Variants in SYT11 observed in about 807,000 individuals in gnomAD.
SYT11 encodes synaptotagmin 11, also known as synaptotagmin-11.
Under a neutral mutation model 30.4 loss-of-function variants are expected in SYT11, and 12 were observed. That is an observed-to-expected ratio of 0.39 (90% confidence interval 0.25 to 0.64). The LOEUF (loss-of-function observed/expected upper bound fraction) is 0.64, where lower values mean the gene tolerates loss of function less well. Ranked by LOEUF, SYT11 falls within the 30% of genes least tolerant of loss-of-function variation. The pLI, the probability that SYT11 is intolerant of heterozygous loss-of-function variation, is 0.45. For missense variants in SYT11, 412 were observed against 552.0 expected, an observed-to-expected ratio of 0.75 and a Z score of 2.54; for synonymous variants, 204 against 216.0, an observed-to-expected ratio of 0.94 and a Z score of 0.49.
At position 155,880,535 on chromosome 1, in the gene SYT11, G is replaced by A. The variant is rs1571981269; in HGVS notation, c.897G>A (p.Leu299=). 1 of 1,614,066 alleles carries A rather than the reference G, an allele frequency of 6.2e-7. No individual in the cohort carries two copies. The highest frequency in any genetic ancestry group is 8.5e-7 in the Non-Finnish European group (1 of 1,179,956). ...GCAGAGGGGAGCTCCAGGTGTCTCT[G>A]TCATATCAGCCTGTGGCACAGAGAA... ...CISRGELQVS[L]SYQPVAQRMT... is the part of the protein sequence containing the mutation. Residue 299 remains leucine, a synonymous_variant, in exon 3 of 4, where the codon CTG becomes CTA. Transcript: ENST00000368324.
chr1:155,869,465 A>G (rs954155478), intron 2 of SYT11, among the ~76,000 whole-genome samples: 1 of 151,454 alleles, frequency 6.6e-6, no homozygotes, highest in African/African-American at 2.4e-5. Context: ...AGAAACGGGG[A>G]TTCACCATGT....
At position 155,860,388 on chromosome 1, in the gene SYT11, C is replaced by T. The variant is rs1672539667; in HGVS notation, c.34+593C>T. On this transcript the variant is annotated intron_variant, in intron 1 of 3. Transcript: ENST00000368324. The surrounding 1 kb of genome is among the most constrained non-coding windows in gnomAD (Gnocchi z 4.1). ...TGCTGGGGCTAGGAGGAAACGTGAGCCCTGCAAGCTCCATTCCGCATCGTA... is the reference window on the plus strand; with the variant it reads ...TGCTGGGGCTAGGAGGAAACGTGAGTCCTGCAAGCTCCATTCCGCATCGTA... Among the ~76,000 whole-genome samples, 1 of 152,208 alleles carries T rather than the reference C, an allele frequency of 6.6e-6. No individual in the cohort carries two copies. Among genetic ancestry groups the T allele is most frequent in the African/African-American group, 2.4e-5 (1 of 41,448 alleles).
intron 2 of SYT11, among the ~76,000 whole-genome samples, chr1:155,877,036 C>T (rs889639477): frequency 2.0e-5 from 3 of 149,168 alleles, no homozygotes; most frequent in African/African-American, 5.0e-5. Context: ...ACTACAATCT[C>T]GGCTCACTGC....
At chr1:155,874,700 CTAA>C (rs1672833939) in intron 2 of SYT11, among the ~76,000 whole-genome samples, 1 of 149,514 alleles carries the variant, frequency 6.7e-6, no homozygotes, top group African/African-American at 2.4e-5. Context: ...ACCATCCTGG[CTAA>C]CACGGTGAAA....
intron 2 of SYT11, among the ~76,000 whole-genome samples, chr1:155,876,678 A>G (rs1467473117): frequency 6.6e-6 from 1 of 151,296 alleles, no homozygotes; most frequent in African/African-American, 2.4e-5. Context: ...AAGCCTAAAA[A>G]CCCCTGACAA....
chr1:155,868,723 C>T lies in SYT11; in HGVS notation c.793C>T (p.Leu265=), dbSNP rs763116426. The T allele has an allele frequency of 6.2e-7, 1 of 1,614,108 alleles. No homozygotes were observed. The highest frequency in any genetic ancestry group is 8.5e-7 in the Non-Finnish European group (1 of 1,180,052). The change falls in exon 2 of 4, where the codon CTG becomes TTG. Residue 265 remains leucine, a synonymous_variant. Transcript: ENST00000368324. This position sits in a 1 kb window ranked among gnomAD's most constrained non-coding sequence, Gnocchi z 4.7. ...DDVIGEVMVP[L]AGVDPSTGKV... is the part of the protein sequence containing the mutation. ...TGTCATTGGCGAGGTCATGGTGCCA[C>T]TGGCAGGGGTGGACCCCAGCACAGG...
At chr1:155,880,353 C>T (rs887638143) in intron 2 of SYT11, 147 bp from the exon 3 acceptor site, 4 of 826,336 alleles carry the variant, frequency 4.8e-6, no homozygotes, top group South Asian at 2.0e-5. Flanking sequence ...AAAATCATAA[C>T]ACCTTTCCAG....
chr1:155,866,116 C>CTTTTT (rs11419325), intron 1 of SYT11, among the ~76,000 whole-genome samples: 1 of 123,276 alleles, frequency 8.1e-6, no homozygotes, highest in African/African-American at 3.1e-5. Flanking sequence ...TTTTTTTTTT[C>CTTTTT]TTTTTTTTTT....
chr1:155,881,446 A>G lies in SYT11; in HGVS notation c.1234A>G (p.Arg412Gly). The G allele has an allele frequency of 1.9e-6, 3 of 1,613,732 alleles. No homozygotes were observed. ...SVTASGAEHW[R>G]EVCESPRKPV... ...CACAGCCAGTGGTGCTGAACACTGG[A>G]GAGAGGTCTGCGAGAGCCCCCGCAA... The change falls in exon 4 of 4, where the codon AGA becomes GGA. Residue 412 changes from arginine to glycine, a missense_variant. Coordinates refer to ENST00000368324, the MANE Select transcript of SYT11 (RefSeq NM_152280.5).
chr1:155,880,842 A>T (rs1672949546), intron 3 of SYT11, among the ~76,000 whole-genome samples: 1 of 152,178 alleles, frequency 6.6e-6, no homozygotes, highest in East Asian at 1.9e-4. Flanking sequence ...TACATTTGGC[A>T]AGGTATCCTA....
intron 3 of SYT11, 125 bp from the exon 4 acceptor site, chr1:155,881,073 A>C: frequency 9.8e-7 from 1 of 1,024,004 alleles, no homozygotes; most frequent in East Asian, 2.4e-5. Flanking sequence ...TAAAGAACAC[A>C]TGGGATGGCC....
At position 155,868,851 on chromosome 1, in the gene SYT11, G is replaced by A. The variant is rs1245097451; in HGVS notation, c.861+60G>A. On this transcript the variant is annotated intron_variant, in intron 2 of 3. Coordinates refer to ENST00000368324, the MANE Select transcript of SYT11 (RefSeq NM_152280.5). This position sits in a 1 kb window ranked among gnomAD's most constrained non-coding sequence, Gnocchi z 4.7. ...GGTTGGGGGAGAAAATATCTCAGGGGATAAATGGAAGTGGGAGGGGAGTGG... is the reference window on the plus strand; with the variant it reads ...GGTTGGGGGAGAAAATATCTCAGGGAATAAATGGAAGTGGGAGGGGAGTGG... 2.7e-6 allele frequency: 4 copies of A among 1,506,130 alleles called. No individual in the cohort carries two copies. In the African/African-American group the frequency reaches 5.5e-5, roughly 21 times the overall value. The allele number at this position is 1,506,130 out of a possible 1,614,324, so 93.3% of individuals were successfully genotyped here. A position where few individuals can be genotyped will look rare whatever the true frequency, so the allele number is the denominator to read the frequency against.
chr1:155,870,337 A>G (rs1365213521), intron 2 of SYT11, among the ~76,000 whole-genome samples: 1 of 152,212 alleles, frequency 6.6e-6, no homozygotes. Context: ...TTATATAGCT[A>G]CTAGGACACA....
At chr1:155,869,243 A>G (rs996361475) in intron 2 of SYT11, among the ~76,000 whole-genome samples, 1 of 151,294 alleles carries the variant, frequency 6.6e-6, no homozygotes, top group Non-Finnish European at 1.5e-5. Context: ...CTAGGGGTGT[A>G]AATGATACCA....
intron 2 of SYT11, among the ~76,000 whole-genome samples, chr1:155,878,423 T>C (rs149363909): frequency 3.2e-4 from 48 of 152,296 alleles, no homozygotes; most frequent in Non-Finnish European, 5.6e-4. Context: ...CTCTCAACCA[T>C]TCTCTGAACA....
chr1:155,861,028 G>A (rs1672576595), intron 1 of SYT11, among the ~76,000 whole-genome samples: 1 of 152,112 alleles, frequency 6.6e-6, no homozygotes, highest in Non-Finnish European at 1.5e-5. Context: ...TTTTAGGGTG[G>A]AGACACAATC....
At chr1:155,871,088 C>T (rs763675449) in intron 2 of SYT11, among the ~76,000 whole-genome samples, 12 of 152,146 alleles carry the variant, frequency 7.9e-5, no homozygotes, top group African/African-American at 2.2e-4. Context: ...ACTTGGTGAA[C>T]GTCAGAGCAT....
chr1:155,860,610 AG>A lies in SYT11; in HGVS notation c.34+820del, dbSNP rs1672549187. On this transcript the variant is annotated intron_variant, in intron 1 of 3. Transcript: ENST00000368324. This position sits in a 1 kb window ranked among gnomAD's most constrained non-coding sequence, Gnocchi z 4.1. The stretch of plus-strand genomic sequence containing the variant: ...CTGGCGGGGGCGCGATCCAGGCCGG[AG>A]GGGGAGGGGCGAAAGAGGCCCAGCC... 6.6e-6 allele frequency among the ~76,000 whole-genome samples: 1 copy of A among 151,390 alleles called. No homozygotes were observed. The highest frequency in any genetic ancestry group is 2.1e-4 in the South Asian group (1 of 4,786).
intron 1 of SYT11, among the ~76,000 whole-genome samples, chr1:155,865,854 T>C (rs192947476): frequency 6.6e-6 from 1 of 151,954 alleles, no homozygotes; most frequent in African/African-American, 2.4e-5. Context: ...ATTTTTGTAA[T>C]TTTTTTGTGT....
Sources: allele counts gnomAD v4.1 joint callset (sites outside exome capture counted in the v4.1 genomes callset), GRCh38; gene constraint gnomAD v4.1.1; non-coding constraint Gnocchi (gnomAD v3.1); transcripts MANE v1.5; gene names NCBI Gene and HGNC (gene_info 2026-07-23, HGNC 2026-07-21).